Variants in TIMM9 observed in about 807,000 individuals in gnomAD.
TIMM9 encodes mitochondrial import inner membrane translocase subunit Tim9.
In TIMM9, 10 loss-of-function variants were observed where a neutral mutation model predicts 13.4. That is an observed-to-expected ratio of 0.75 (90% CI 0.46 to 1.26). The LOEUF (loss-of-function observed/expected upper bound fraction) is 1.26, where lower values mean the gene tolerates loss of function less well. TIMM9 is among the 50% of genes most tolerant of loss of function. TIMM9 has a pLI of 0.00. For synonymous variants in TIMM9, 32 were observed against 32.1 expected (o/e 1.00, Z 0.01); for missense variants, 87 against 100.8 (o/e 0.86, Z 0.58).
In TIMM9 at chr14:58,408,869, A is replaced by C; in HGVS notation, c.*165T>G. 1 of 971,312 alleles carries C rather than the reference A, an allele frequency of 1.0e-6. No individual in the cohort carries two copies. The highest frequency in any genetic ancestry group is 1.5e-6 in the Non-Finnish European group (1 of 676,034). The allele number at this position is 971,312 out of a possible 1,614,324, so 60.2% of individuals were successfully genotyped here. A position where few individuals can be genotyped will look rare whatever the true frequency, so the allele number is the denominator to read the frequency against. ...ACCTTCTATTGTGATTATTCCTGGT[A>C]AATAGCAATTTTGTTTCTCCAGCGG... On this transcript the variant is annotated 3_prime_UTR_variant, in exon 6 of 6. Coordinates refer to ENST00000395159, the MANE Select transcript of TIMM9 (RefSeq NM_012460.4).
chr14:58,413,778 C>T (rs545766099), intron 3 of TIMM9, among the ~76,000 whole-genome samples: 5 of 151,908 alleles, frequency 3.3e-5, no homozygotes, highest in South Asian at 4.2e-4. Context: ...GAGGCTGAGG[C>T]GGGCAGATTA....
Position 58,419,451 on chromosome 14 carries a change from T to TCACACA in TIMM9, c.-27+4551_-27+4556dup, listed in dbSNP as rs67147520. 3.0e-3 allele frequency among the ~76,000 whole-genome samples: 336 copies of TCACACA among 112,912 alleles called. 1 individual carries two copies. Among genetic ancestry groups the TCACACA allele is most frequent in the South Asian group, 5.2e-3 (16 of 3,102 alleles). 74.1% of individuals were successfully genotyped at this position (112,912 alleles called of 152,430 possible). ...GTCTGGAAAATAGAGTGAGACCCCG[T>TCACACA]CACACACACACACACACACACACAC... On this transcript the variant is annotated intron_variant, in intron 3 of 5. Coordinates refer to ENST00000395159, the MANE Select transcript of TIMM9 (RefSeq NM_012460.4).
intron 3 of TIMM9, among the ~76,000 whole-genome samples, chr14:58,415,697 C>A (rs978955865): frequency 6.6e-6 from 1 of 151,968 alleles, no homozygotes. Flanking sequence ...TAACAGAGTA[C>A]AAAGGACTTG....
intron 3 of TIMM9, among the ~76,000 whole-genome samples, chr14:58,419,418 A>G (rs182619184): frequency 3.4e-5 from 5 of 145,944 alleles, no homozygotes; most frequent in South Asian, 4.5e-4. Flanking sequence ...TTGCGCCACT[A>G]CGCTCCAGTC....
intron 5 of TIMM9, among the ~76,000 whole-genome samples, chr14:58,410,099 T>C (rs1437824566): frequency 2.0e-5 from 3 of 151,972 alleles, no homozygotes; most frequent in African/African-American, 7.2e-5. Flanking sequence ...GTTGACAGGG[T>C]CTTGCTCTGT....
intron 3 of TIMM9, among the ~76,000 whole-genome samples, chr14:58,422,010 GTTCT>G (rs1050224784): frequency 2.4e-5 from 3 of 124,192 alleles, no homozygotes; most frequent in Admixed American, 1.6e-4. Context: ...GCCAAAATCT[GTTCT>G]TTTTTTTTTT....
At chr14:58,423,208 C>T (rs2036638003) in intron 3 of TIMM9, among the ~76,000 whole-genome samples, 1 of 151,914 alleles carries the variant, frequency 6.6e-6, no homozygotes, top group Non-Finnish European at 1.5e-5. Flanking sequence ...CCTCGGTAGT[C>T]ACCAGTATCT....
chr14:58,414,036 A>AAAG (rs398025244), intron 3 of TIMM9, among the ~76,000 whole-genome samples: 1 of 144,304 alleles, frequency 6.9e-6, no homozygotes, highest in Admixed American at 7.0e-5. Flanking sequence ...AAAAAAAAAA[A>AAAG]GGTTTGTATA....
chr14:58,410,279 T>G (rs753787291), intron 5 of TIMM9, among the ~76,000 whole-genome samples: 9 of 151,944 alleles, frequency 5.9e-5, no homozygotes, highest in Non-Finnish European at 1.3e-4. Flanking sequence ...TTCACCATGT[T>G]GCCGAGGCTG....
intron 5 of TIMM9, among the ~76,000 whole-genome samples, chr14:58,410,274 C>G (rs2036172300): frequency 6.6e-6 from 1 of 151,888 alleles, no homozygotes; most frequent in Admixed American, 6.6e-5. Flanking sequence ...AGGGTTTCAC[C>G]ATGTTGCCGA....
intron 3 of TIMM9, among the ~76,000 whole-genome samples, chr14:58,417,750 T>G (rs1259139587): frequency 6.6e-6 from 1 of 150,854 alleles, no homozygotes; most frequent in Admixed American, 6.6e-5. Context: ...ATGAACCCAA[T>G]GAAGGAAATA....
At chr14:58,426,341 G>A (rs2140354475) in intron 2 of TIMM9, among the ~76,000 whole-genome samples, 1 of 151,684 alleles carries the variant, frequency 6.6e-6, no homozygotes, top group East Asian at 2.0e-4. Context: ...GAGTAGCTGG[G>A]ACTACAGGCG....
intron 3 of TIMM9, among the ~76,000 whole-genome samples, chr14:58,419,582 G>A (rs952464648): frequency 6.6e-6 from 1 of 151,116 alleles, no homozygotes; most frequent in Non-Finnish European, 1.5e-5. Context: ...TGAGAACTAA[G>A]TTTCTCACCT....
chr14:58,412,990 C>G (rs1019128866), intron 3 of TIMM9, among the ~76,000 whole-genome samples: 2 of 152,074 alleles, frequency 1.3e-5, no homozygotes, highest in Admixed American at 1.3e-4. Context: ...AACTATTCCA[C>G]TAGTCACCAA....
chr14:58,414,690 T>C (rs1288828887), intron 3 of TIMM9, among the ~76,000 whole-genome samples: 4 of 143,916 alleles, frequency 2.8e-5, no homozygotes, highest in Admixed American at 7.5e-5. Context: ...TGAGCCGAGA[T>C]TGCAGCACTG....
intron 4 of TIMM9, among the ~76,000 whole-genome samples, chr14:58,411,429 CAA>C (rs2036211737): frequency 6.8e-6 from 1 of 146,914 alleles, no homozygotes; most frequent in African/African-American, 2.5e-5. Flanking sequence ...GCCTGGCCGA[CAA>C]AGAGAGACTG....
rs2140307983 is a variant in TIMM9 at position 58,408,499 on chromosome 14, T to C, written c.*535A>G. 1 of 1,606,458 alleles carries C rather than the reference T, an allele frequency of 6.2e-7. No individual in the cohort carries two copies. Among genetic ancestry groups the C allele is most frequent in the South Asian group, 1.1e-5 (1 of 90,822 alleles). On this transcript the variant is annotated 3_prime_UTR_variant, in exon 6 of 6. Coordinates refer to ENST00000395159, the MANE Select transcript of TIMM9 (RefSeq NM_012460.4). ...GAAAAGGATCATGCATTGAAATGAT[T>C]AGCAAGTAACTATTTTATGTATTCA...
intron 3 of TIMM9, among the ~76,000 whole-genome samples, chr14:58,416,750 A>G (rs1366386308): frequency 6.6e-6 from 1 of 152,228 alleles, no homozygotes; most frequent in Admixed American, 6.5e-5. Flanking sequence ...TGCTGACATC[A>G]TTACATGGTG....
intron 3 of TIMM9, among the ~76,000 whole-genome samples, chr14:58,418,042 T>A (rs988188251): frequency 6.6e-6 from 1 of 151,800 alleles, no homozygotes; most frequent in South Asian, 2.1e-4. Context: ...CATAAAAATA[T>A]CCCTCATGAA....
Sources: gnomAD v4.1 joint callset for allele counts (sites outside exome capture counted in the v4.1 genomes callset) on GRCh38, gnomAD v4.1.1 for gene constraint, MANE v1.5 for transcripts, NCBI Gene and HGNC (gene_info 2026-07-23, HGNC 2026-07-21) for gene names.